PRKG1: variants seen among roughly 807,000 people sequenced by gnomAD.
PRKG1 encodes the protein protein kinase cGMP-dependent 1.
Under a neutral mutation model 88.1 loss-of-function variants are expected in PRKG1, and 35 were observed. That is an observed-to-expected ratio of 0.40 (90% CI 0.30 to 0.53). PRKG1 has a LOEUF of 0.53. PRKG1 is among the 20% of genes least tolerant of loss of function. The pLI is 0.59. For synonymous variants in PRKG1, 303 were observed against 292.5 expected (o/e 1.04, Z -0.37); for missense variants, 540 against 839.8 (o/e 0.64, Z 4.41).
rs1488093581 is a variant in PRKG1 at position 51,398,499 on chromosome 10, AG to A, written c.479-69223del. 7.2e-5 allele frequency among the ~76,000 whole-genome samples: 11 copies of A among 152,332 alleles called. No individual in the cohort carries two copies. The East Asian group carries it at 2.1e-3, about 29-fold the overall frequency. On this transcript the variant is annotated intron_variant, in intron 2 of 17. Transcript: ENST00000373980. ...TGAGGACCCCTGCCTTAAGGAACCA[AG>A]AACAAAATAATAGGTGTCTAGTCAG...
chr10:52,136,073 G>A (rs1259123983), intron 8 of PRKG1, among the ~76,000 whole-genome samples: 1 of 152,030 alleles, frequency 6.6e-6, no homozygotes, highest in African/African-American at 2.4e-5. Flanking sequence ...TGCAGATAGA[G>A]AAAAGGGCAA....
chr10:51,216,545 T>C (rs1253295886), intron 2 of PRKG1, among the ~76,000 whole-genome samples: 1 of 152,128 alleles, frequency 6.6e-6, no homozygotes, highest in Non-Finnish European at 1.5e-5. Context: ...TTCAGGACAT[T>C]GGTGTGAGGA....
intron 5 of PRKG1, among the ~76,000 whole-genome samples, chr10:51,927,186 G>C (rs1842596812): frequency 6.6e-6 from 1 of 152,146 alleles, no homozygotes; most frequent in Admixed American, 6.6e-5. Flanking sequence ...CTGTGGGAGG[G>C]ACCTGGTGGG....
intron 7 of PRKG1, among the ~76,000 whole-genome samples, chr10:52,133,219 C>T (rs968537490): frequency 1.3e-5 from 2 of 152,008 alleles, no homozygotes; most frequent in African/African-American, 2.4e-5. Context: ...TTGATAGATA[C>T]GAATGCAGTA....
intron 2 of PRKG1, among the ~76,000 whole-genome samples, chr10:51,159,734 G>A (rs181776456): frequency 1.9e-4 from 29 of 152,206 alleles, no homozygotes; most frequent in Admixed American, 4.6e-4. Context: ...GGCATAAAAT[G>A]TATTTAAAAT....
intron 8 of PRKG1, among the ~76,000 whole-genome samples, chr10:52,155,955 C>A (rs1838083711): frequency 1.3e-5 from 2 of 152,016 alleles, no homozygotes; most frequent in Middle Eastern, 6.8e-3. Flanking sequence ...TAATTCTTAG[C>A]TTTTTATTCC....
At chr10:51,518,964 G>T (rs578180925) in intron 3 of PRKG1, among the ~76,000 whole-genome samples, 1 of 152,260 alleles carries the variant, frequency 6.6e-6, no homozygotes, top group South Asian at 2.1e-4. Flanking sequence ...ATAAGAACTT[G>T]CTTAAGTTAG....
intron 2 of PRKG1, among the ~76,000 whole-genome samples, chr10:51,447,815 G>C (rs1839319677): frequency 6.6e-6 from 1 of 152,000 alleles, no homozygotes; most frequent in Admixed American, 6.6e-5. Context: ...CAACATGCCT[G>C]GGTGGAATTG....
At chr10:51,005,107 A>G (rs1842927939) in intron 1 of PRKG1, among the ~76,000 whole-genome samples, 1 of 152,176 alleles carries the variant, frequency 6.6e-6, no homozygotes. Context: ...ACTGAACGAT[A>G]TCTTTGCAAA....
At chr10:51,408,948 T>C (rs1013412169) in intron 2 of PRKG1, among the ~76,000 whole-genome samples, 1 of 152,200 alleles carries the variant, frequency 6.6e-6, no homozygotes, top group African/African-American at 2.4e-5. Context: ...CTTCCCCAGA[T>C]TTCTTTGCCG....
chr10:51,947,661 G>A (rs1289928866), intron 5 of PRKG1, among the ~76,000 whole-genome samples: 5 of 152,188 alleles, frequency 3.3e-5, no homozygotes, highest in African/African-American at 4.8e-5. Flanking sequence ...ACTCAAGCAG[G>A]TTCATGGGCT....
In PRKG1 at chr10:51,300,884, C is replaced by T. The variant is rs534970712; in HGVS notation, c.478+147554C>T. Among the ~76,000 whole-genome samples the T allele has an allele frequency of 5.3e-5, 8 of 152,346 alleles. 1 individual carries two copies. The highest frequency in any genetic ancestry group is 5.2e-4 in the Admixed American group (8 of 15,300). ...AATCCAAATAAGACTTAATTAGCAG[C>T]AGCCTGAAAATAGTGTGTCTGCCTT... On this transcript the variant is annotated intron_variant, in intron 2 of 17. Coordinates refer to ENST00000373980, the MANE Select transcript of PRKG1 (RefSeq NM_006258.4).
intron 5 of PRKG1, among the ~76,000 whole-genome samples, chr10:52,029,923 A>ATC (rs1157160042): frequency 1.3e-5 from 2 of 152,084 alleles, no homozygotes; most frequent in Non-Finnish European, 2.9e-5. Context: ...CTGATATATC[A>ATC]TCTCATCATC....
intron 3 of PRKG1, among the ~76,000 whole-genome samples, chr10:51,593,170 A>G (rs1267992794): frequency 2.6e-5 from 4 of 152,194 alleles, no homozygotes; most frequent in Non-Finnish European, 5.9e-5. Context: ...AGTTTATTCT[A>G]TTTTGCTTTT....
intron 2 of PRKG1, among the ~76,000 whole-genome samples, chr10:51,377,710 T>G (rs1189319): frequency 0.25 from 37,980 of 152,150 alleles, 4,996 homozygotes; most frequent in South Asian, 0.41. Context: ...AAACAAAACC[T>G]GGCTATTTTG....
At chr10:51,058,113 T>A (rs950468564) in intron 1 of PRKG1, among the ~76,000 whole-genome samples, 1 of 152,164 alleles carries the variant, frequency 6.6e-6, no homozygotes, top group African/African-American at 2.4e-5. Flanking sequence ...AAATGAGCAA[T>A]TTTTCATGTT....
At chr10:51,190,081 A>T (rs2132038803) in intron 2 of PRKG1, among the ~76,000 whole-genome samples, 1 of 152,060 alleles carries the variant, frequency 6.6e-6, no homozygotes, top group Middle Eastern at 3.4e-3. Flanking sequence ...TATATGTGTG[A>T]CTAAACACTT....
intron 5 of PRKG1, among the ~76,000 whole-genome samples, chr10:51,993,939 G>T (rs1207276549): frequency 6.6e-6 from 1 of 152,146 alleles, no homozygotes; most frequent in Non-Finnish European, 1.5e-5. Flanking sequence ...CTGCTTCAAA[G>T]GAGGGTCTCC....
intron 2 of PRKG1, among the ~76,000 whole-genome samples, chr10:51,167,673 T>C (rs1045635763): frequency 1.3e-5 from 2 of 152,102 alleles, no homozygotes; most frequent in African/African-American, 2.4e-5. Flanking sequence ...GAAAGAAATG[T>C]GGTATAATTT....
Sources: allele counts gnomAD v4.1 joint callset (sites outside exome capture counted in the v4.1 genomes callset), GRCh38; gene constraint gnomAD v4.1.1; transcripts MANE v1.5; gene names NCBI Gene and HGNC (gene_info 2026-07-23, HGNC 2026-07-21).